Variants in HIVEP3 observed in about 807,000 individuals in gnomAD.
HIVEP3 encodes the protein HIVEP zinc finger 3, also known as transcription factor HIVEP3.
A neutral mutation model predicts 152.8 loss-of-function variants in HIVEP3; 49 were observed. That is an observed-to-expected ratio of 0.32 (90% CI 0.26 to 0.41). The LOEUF (loss-of-function observed/expected upper bound fraction) is 0.41. Among genes scored for constraint, HIVEP3 ranks in the 10% least tolerant of loss-of-function variants. The pLI, the probability that HIVEP3 is intolerant of heterozygous loss-of-function variation, is 1.00. For synonymous variants in HIVEP3, 1,269 were observed against 1,289.0 expected (o/e 0.98, Z 0.33); for missense variants, 2,790 against 3,103.3 (o/e 0.90, Z 2.40).
chr1:41,617,536 G>A (rs1349017247), intron 3 of HIVEP3, among the ~76,000 whole-genome samples: 1 of 152,236 alleles, frequency 6.6e-6, no homozygotes, highest in Non-Finnish European at 1.5e-5. Flanking sequence ...ATGCTCCTGA[G>A]GGCTGGTCCA....
chr1:41,983,306 T>TGACC (rs951825669), intron 1 of HIVEP3, among the ~76,000 whole-genome samples: 5 of 152,284 alleles, frequency 3.3e-5, no homozygotes, highest in Non-Finnish European at 5.9e-5. Context: ...AATGAAACCA[T>TGACC]GACCGATCCA....
At chr1:41,811,185 T>G (rs1377260360) in intron 1 of HIVEP3, among the ~76,000 whole-genome samples, 1 of 151,454 alleles carries the variant, frequency 6.6e-6, no homozygotes, top group Non-Finnish European at 1.5e-5. Context: ...TAGTGAATAG[T>G]CTCCTGGGTG....
chr1:41,892,002 G>A (rs1014662336), intron 1 of HIVEP3, among the ~76,000 whole-genome samples: 5 of 152,176 alleles, frequency 3.3e-5, no homozygotes, highest in Admixed American at 6.5e-5. Context: ...TAGTGCAAGG[G>A]TGAATATCAC....
chr1:41,700,034 T>C, intron 2 of HIVEP3, among the ~76,000 whole-genome samples: 1 of 152,136 alleles, frequency 6.6e-6, no homozygotes, highest in East Asian at 1.9e-4. Flanking sequence ...TTTCACCCGG[T>C]GAACTTCTAT....
In HIVEP3 at chr1:41,873,401, C is replaced by T. The variant is rs186516148; in HGVS notation, c.-801+45012G>A. ...TGTCCTTTTAGAATTTGGGGGATCC[C>T]GGCACCCACTGTTCTCAGCTTTGGG... On this transcript the variant is annotated intron_variant, in intron 1 of 8. Coordinates refer to ENST00000372583, the MANE Select transcript of HIVEP3 (RefSeq NM_024503.5). The surrounding 1 kb of genome is among the most constrained non-coding windows in gnomAD (Gnocchi z 4.2). Among the ~76,000 whole-genome samples the T allele has an allele frequency of 1.6e-4, 24 of 152,274 alleles. No individual in the cohort carries two copies. The highest frequency in any genetic ancestry group is 1.4e-3 in the Admixed American group (21 of 15,296).
chr1:41,906,012 AT>A (rs1644703579), intron 1 of HIVEP3, among the ~76,000 whole-genome samples: 1 of 152,182 alleles, frequency 6.6e-6, no homozygotes, highest in Non-Finnish European at 1.5e-5. Flanking sequence ...AGGTGGATGG[AT>A]AAAAAATCTG....
chr1:41,640,184 C>T (rs1007882718), intron 2 of HIVEP3, among the ~76,000 whole-genome samples: 3 of 145,966 alleles, frequency 2.1e-5, no homozygotes, highest in African/African-American at 5.1e-5. Flanking sequence ...GCCCAGGAGT[C>T]GAGGAGAATA....
intron 1 of HIVEP3, among the ~76,000 whole-genome samples, chr1:41,716,853 C>T (rs1160706333): frequency 2.0e-5 from 3 of 152,212 alleles, no homozygotes; most frequent in Non-Finnish European, 2.9e-5. Flanking sequence ...CTGCATCAGA[C>T]ACCACTGCCT....
chr1:41,577,705 GA>G (rs1240548916), intron 4 of HIVEP3, among the ~76,000 whole-genome samples: 1 of 152,122 alleles, frequency 6.6e-6, no homozygotes, highest in Non-Finnish European at 1.5e-5. Flanking sequence ...ACAGAGAATG[GA>G]AGCCGCAAGC....
chr1:41,553,407 T>C lies in HIVEP3; in HGVS notation c.5207+22137A>G, dbSNP rs954409460. 7.9e-5 allele frequency among the ~76,000 whole-genome samples: 12 copies of C among 152,210 alleles called. No individual in the cohort carries two copies. The South Asian group carries it at 2.5e-3, about 32-fold the overall frequency. Reference sequence around the variant, plus strand: ...CCTATGTGTGTCTCTGCACATGAGATTGGTCTCCTGAATACAGCACACTGA... The same window carrying C: ...CCTATGTGTGTCTCTGCACATGAGACTGGTCTCCTGAATACAGCACACTGA... On this transcript the variant is annotated intron_variant, in intron 5 of 8. Coordinates refer to ENST00000372583, the MANE Select transcript of HIVEP3 (RefSeq NM_024503.5).
chr1:41,741,353 A>C (rs562303635), intron 1 of HIVEP3, among the ~76,000 whole-genome samples: 91 of 152,260 alleles, frequency 6.0e-4, no homozygotes, highest in African/African-American at 2.2e-3. Flanking sequence ...CCACCTTTGC[A>C]TTCTCCTAGC....
chr1:42,019,714 T>C (rs1007172719), intron 1 of HIVEP3, among the ~76,000 whole-genome samples: 1 of 151,980 alleles, frequency 6.6e-6, no homozygotes, highest in African/African-American at 2.4e-5. Flanking sequence ...TTCCAAACCA[T>C]ATACTTTCTA....
At chr1:41,956,608 G>A (rs1330145416) in intron 1 of HIVEP3, among the ~76,000 whole-genome samples, 1 of 152,198 alleles carries the variant, frequency 6.6e-6, no homozygotes, top group Non-Finnish European at 1.5e-5. Context: ...TTGTGTTGAT[G>A]CTTGAAGAGG....
At chr1:41,899,041 G>C (rs1644578178) in intron 1 of HIVEP3, among the ~76,000 whole-genome samples, 1 of 152,204 alleles carries the variant, frequency 6.6e-6, no homozygotes, top group Non-Finnish European at 1.5e-5. Flanking sequence ...GGCCATTTTG[G>C]ATGTTTCCTT....
intron 1 of HIVEP3, among the ~76,000 whole-genome samples, chr1:41,771,642 G>A (rs1374882933): frequency 1.3e-5 from 2 of 152,110 alleles, no homozygotes; most frequent in African/African-American, 4.8e-5. Context: ...GGAACTGACA[G>A]TACTCTCGGG....
At chr1:41,760,218 T>A (rs901672590) in intron 1 of HIVEP3, among the ~76,000 whole-genome samples, 1 of 152,200 alleles carries the variant, frequency 6.6e-6, no homozygotes, top group African/African-American at 2.4e-5. Context: ...AGTACCTGCC[T>A]CATAGGACTC....
At chr1:41,527,987 CA>C (rs1643057372) in intron 5 of HIVEP3, among the ~76,000 whole-genome samples, 1 of 148,816 alleles carries the variant, frequency 6.7e-6, no homozygotes, top group Non-Finnish European at 1.5e-5. Flanking sequence ...TCACACTCCA[CA>C]CTCCCGCACT....
chr1:41,927,510 T>C (rs1316327258), intron 1 of HIVEP3, among the ~76,000 whole-genome samples: 2 of 152,222 alleles, frequency 1.3e-5, no homozygotes, highest in African/African-American at 4.8e-5. Context: ...AAAAAACTTA[T>C]GTGCCTTCAG....
intron 3 of HIVEP3, among the ~76,000 whole-genome samples, chr1:41,590,974 A>G (rs1046263012): frequency 1.3e-5 from 2 of 152,202 alleles, no homozygotes; most frequent in African/African-American, 4.8e-5. Flanking sequence ...CCCATCTGTA[A>G]AAAGGGACAG....
Sources: gnomAD v4.1 joint callset for allele counts (sites outside exome capture counted in the v4.1 genomes callset) on GRCh38, gnomAD v4.1.1 for gene constraint, Gnocchi (gnomAD v3.1) non-coding constraint, MANE v1.5 for transcripts, NCBI Gene and HGNC (gene_info 2026-07-23, HGNC 2026-07-21) for gene names.